Variants in CIT observed in about 807,000 individuals in gnomAD.
CIT encodes citron rho-interacting serine/threonine kinase.
CIT carries 79 observed loss-of-function variants against 272.7 expected under a neutral mutation model. That is an observed-to-expected ratio of 0.29 (90% CI 0.24 to 0.35). The LOEUF (loss-of-function observed/expected upper bound fraction) is 0.35. Among genes scored for constraint, CIT ranks in the 10% least tolerant of loss-of-function variants. The pLI is 1.00. For missense variants in CIT, 1,909 were observed against 2,618.3 expected (o/e 0.73, Z 5.91); for synonymous variants, 948 against 995.6 (o/e 0.95, Z 0.90).
intron 10 of CIT, among the ~76,000 whole-genome samples, chr12:119,802,448 A>G (rs1052904179): frequency 4.6e-5 from 7 of 152,204 alleles, no homozygotes; most frequent in Non-Finnish European, 8.8e-5. Flanking sequence ...ATGAGAATGG[A>G]GAAAGACCTA....
intron 5 of CIT, among the ~76,000 whole-genome samples, chr12:119,836,111 A>AC (rs752167647): frequency 1.2e-4 from 18 of 151,516 alleles, no homozygotes; most frequent in Non-Finnish European, 1.5e-4. Context: ...ACATGGTGAA[A>AC]CCCCGTCTTT....
At chr12:119,717,110 T>C (rs1420001603) in intron 32 of CIT, among the ~76,000 whole-genome samples, 1 of 152,266 alleles carries the variant, frequency 6.6e-6, no homozygotes, top group Non-Finnish European at 1.5e-5. Flanking sequence ...TGGAATGCAA[T>C]GGCTTTATCT....
intron 44 of CIT, among the ~76,000 whole-genome samples, chr12:119,699,121 T>TCA (rs1213658601): frequency 2.0e-5 from 3 of 151,940 alleles, no homozygotes; most frequent in Non-Finnish European, 4.4e-5. Flanking sequence ...CCGGGTATGG[T>TCA]GACAGGCGCC....
intron 24 of CIT, among the ~76,000 whole-genome samples, chr12:119,741,167 G>C (rs1959040585): frequency 6.8e-6 from 1 of 147,328 alleles, no homozygotes; most frequent in Non-Finnish European, 1.5e-5. Context: ...AAAAAAAAAA[G>C]AACAAATTAT....
intron 3 of CIT, among the ~76,000 whole-genome samples, chr12:119,863,201 C>CAAAAAA (rs751421292): frequency 8.4e-4 from 34 of 40,500 alleles, no homozygotes; most frequent in East Asian, 2.4e-3. Flanking sequence ...GACTCTGTAT[C>CAAAAAA]AAAAAAAAAA....
At chr12:119,717,423 T>TC (rs201253598) in intron 32 of CIT, among the ~76,000 whole-genome samples, 995 of 53,814 alleles carry the variant, frequency 0.018, 6 homozygotes, top group Middle Eastern at 0.044. Flanking sequence ...TCTTTTCTTT[T>TC]TTTTTTTTTT....
intron 39 of CIT, among the ~76,000 whole-genome samples, chr12:119,708,872 T>A (rs1161528461): frequency 1.3e-5 from 2 of 152,120 alleles, no homozygotes; most frequent in Admixed American, 1.3e-4. Flanking sequence ...AGACATAAAA[T>A]TGGAGAATGT....
At position 119,776,766 on chromosome 12, in the gene CIT, C is replaced by T. The variant is rs201303983; in HGVS notation, c.1742G>A (p.Arg581Gln). The T allele has an allele frequency of 1.3e-4, 207 of 1,614,104 alleles. No individual in the cohort carries two copies. The highest frequency in any genetic ancestry group is 1.6e-4 in the Non-Finnish European group (194 of 1,180,032). ...CAGCTCAGATTCGTAGAGATCACTC[C>T]GTCTTCTTGCTGAGACAAGATCCTC... is the stretch of plus-strand genomic sequence containing the variant. ...LEEDLVSARRRSDLYESELRE... is the reference protein window; with the variant it reads ...LEEDLVSARRQSDLYESELRE... The change falls in exon 14 of 48, where the codon CGG (arginine) becomes CAG (glutamine). Residue 581 changes from arginine (R) to glutamine (Q), a missense_variant. Arg to Gln is a conservative substitution (Grantham distance 43). Around this residue, in one of 8 missense-constraint regions of CIT, gnomAD observed 530 missense variants for 822.4 expected, o/e 0.64. Coordinates refer to ENST00000392521, the MANE Select transcript of CIT (RefSeq NM_001206999.2).
chr12:119,739,182 C>T (rs1958938466), intron 24 of CIT, among the ~76,000 whole-genome samples: 1 of 152,156 alleles, frequency 6.6e-6, no homozygotes, highest in Admixed American at 6.5e-5. Flanking sequence ...TATTTTTAAT[C>T]TTATAGCTGA....
intron 3 of CIT, among the ~76,000 whole-genome samples, chr12:119,862,921 G>T (rs1950401037): frequency 6.9e-6 from 1 of 145,794 alleles, no homozygotes; most frequent in Non-Finnish European, 1.5e-5. Flanking sequence ...CTGACATTGG[G>T]CCGGGTGCAG....
At chr12:119,689,159 A>C (rs1279666815) in intron 47 of CIT, among the ~76,000 whole-genome samples, 8 of 151,462 alleles carry the variant, frequency 5.3e-5, no homozygotes, top group Admixed American at 1.3e-4. Flanking sequence ...AGCCTGGGCA[A>C]CATAGTAAGA....
At chr12:119,812,614 T>A (rs1566079123) in intron 9 of CIT, among the ~76,000 whole-genome samples, 1 of 152,000 alleles carries the variant, frequency 6.6e-6, no homozygotes, top group Non-Finnish European at 1.5e-5. Context: ...TAGCTTTTTT[T>A]ATTATTATTT....
At chr12:119,821,751 T>A (rs1199895584) in intron 9 of CIT, among the ~76,000 whole-genome samples, 2 of 152,202 alleles carry the variant, frequency 1.3e-5, no homozygotes, top group Non-Finnish European at 2.9e-5. Context: ...CCTGAAAATA[T>A]ATTACTGATT....
At position 119,742,452 on chromosome 12, in the gene CIT, C is replaced by T; in HGVS notation, c.2917G>A (p.Glu973Lys). The T allele has an allele frequency of 6.2e-7, 1 of 1,610,840 alleles. No homozygotes were observed. The change falls in exon 24 of 48, where the codon GAA (glutamate) becomes AAA (lysine). Residue 973 changes from glutamate (E) to lysine (K), a missense_variant. Glu to Lys is a moderately conservative substitution (Grantham distance 56). This residue lies in a region of CIT where 530 missense variants were observed against 822.4 expected (regional missense o/e 0.64). Transcript: ENST00000392521. ...AGAGCATCAAATTTGCGCTGGATTTCATCTCTATGTGCCTAAAAGGTAAGA... is the reference window on the plus strand; with the variant it reads ...AGAGCATCAAATTTGCGCTGGATTTTATCTCTATGTGCCTAAAAGGTAAGA... Reference protein sequence around the residue: ...EIQALTAHRDEIQRKFDALRN... With the variant: ...EIQALTAHRDKIQRKFDALRN...
chr12:119,722,208 T>TA (rs888057340), intron 28 of CIT, among the ~76,000 whole-genome samples: 4 of 152,198 alleles, frequency 2.6e-5, no homozygotes, highest in African/African-American at 9.7e-5. Flanking sequence ...CATCCGTTTC[T>TA]AAAAAAGCAG....
intron 23 of CIT, among the ~76,000 whole-genome samples, chr12:119,745,057 T>C (rs1164964665): frequency 6.6e-6 from 1 of 151,728 alleles, no homozygotes; most frequent in Non-Finnish European, 1.5e-5. Context: ...CAAGAAATAA[T>C]GGCCACAAAT....
At chr12:119,758,735 C>T (rs759319377) in intron 20 of CIT, 35 bp from the exon 21 acceptor site, 4 of 1,392,924 alleles carry the variant, frequency 2.9e-6, no homozygotes, top group Non-Finnish European at 4.1e-6. Flanking sequence ...CTTCACACAC[C>T]AGAACAGGAG....
intron 16 of CIT, among the ~76,000 whole-genome samples, chr12:119,773,367 A>G (rs995677511): frequency 1.3e-5 from 2 of 152,158 alleles, no homozygotes; most frequent in Non-Finnish European, 2.9e-5. Flanking sequence ...TCATTTGTTA[A>G]TTTTCCTATG....
chr12:119,869,817 T>C (rs906748932), intron 2 of CIT, among the ~76,000 whole-genome samples: 9 of 152,140 alleles, frequency 5.9e-5, no homozygotes, highest in African/African-American at 1.9e-4. Flanking sequence ...AAAATAAAAA[T>C]GGAGTCTCTG....
Sources: gnomAD v4.1 joint callset for allele counts (sites outside exome capture counted in the v4.1 genomes callset) on GRCh38, gnomAD v4.1.1 for gene constraint, gnomAD v4.1.1 regional missense constraint, MANE v1.5 for transcripts, NCBI Gene and HGNC (gene_info 2026-07-23, HGNC 2026-07-21) for gene names.